RAD54B: variants seen among roughly 807,000 people sequenced by gnomAD.
RAD54B encodes DNA repair and recombination protein RAD54B.
Under a neutral mutation model 95.8 loss-of-function variants are expected in RAD54B, and 78 were observed. That is an observed-to-expected ratio of 0.81 (90% CI 0.68 to 0.98). RAD54B has a LOEUF of 0.98. RAD54B is among the 50% of genes least tolerant of loss of function. The pLI, the probability that RAD54B is intolerant of heterozygous loss-of-function variation, is 0.00. For synonymous variants in RAD54B, 328 were observed against 354.9 expected (o/e 0.92, Z 0.85); for missense variants, 957 against 1,056.6 (o/e 0.91, Z 1.31).
chr8:94,432,343 C>T (rs1812121505), intron 3 of RAD54B: 10 of 1,550,218 alleles, frequency 6.5e-6, no homozygotes, highest in Non-Finnish European at 8.7e-6. Context: ...GGATCATACC[C>T]TAATAGTGAC....
At chr8:94,436,515 T>C in intron 3 of RAD54B, 1 of 1,549,574 alleles carries the variant, frequency 6.5e-7, no homozygotes, top group Non-Finnish European at 8.7e-7. Context: ...GGTTCCTGTC[T>C]CTTACCAGGC....
chr8:94,389,175 G>A (rs989167457), intron 10 of RAD54B, among the ~76,000 whole-genome samples: 23 of 152,068 alleles, frequency 1.5e-4, no homozygotes, highest in African/African-American at 4.8e-4. Flanking sequence ...GACTGGTCTC[G>A]AACTCTTGGC....
chr8:94,414,479 T>C (rs1811605477), intron 3 of RAD54B, among the ~76,000 whole-genome samples: 3 of 152,210 alleles, frequency 2.0e-5, no homozygotes, highest in South Asian at 4.2e-4. Context: ...TAGATAGCTC[T>C]TATTATTTTG....
At chr8:94,377,545 GAAAAAA>G (rs71273330) in intron 14 of RAD54B, among the ~76,000 whole-genome samples, 1,958 of 70,496 alleles carry the variant, frequency 0.028, 173 homozygotes, top group African/African-American at 0.13. Flanking sequence ...CCCTGTCTTG[GAAAAAA>G]AAAAAAAAAA....
chr8:94,372,947 G>A (rs897811510), intron 14 of RAD54B: 4 of 152,536 alleles, frequency 2.6e-5, no homozygotes, highest in Non-Finnish European at 4.4e-5. Flanking sequence ...GAAGATAAGG[G>A]ACTGTGGAGC....
chr8:94,452,910 T>C (rs1309122039), intron 3 of RAD54B, among the ~76,000 whole-genome samples: 1 of 152,214 alleles, frequency 6.6e-6, no homozygotes, highest in Non-Finnish European at 1.5e-5. Flanking sequence ...ATCAAAAATA[T>C]GAATATATAC....
chr8:94,400,208 T>C, intron 7 of RAD54B, 30 bp downstream of exon 7: 6 of 1,567,396 alleles, frequency 3.8e-6, no homozygotes, highest in Non-Finnish European at 4.4e-6. Flanking sequence ...TTTTTTTAAA[T>C]GACTAAGGCT....
chr8:94,426,402 C>A (rs984864791), intron 3 of RAD54B, among the ~76,000 whole-genome samples: 1 of 151,866 alleles, frequency 6.6e-6, no homozygotes, highest in Non-Finnish European at 1.5e-5. Context: ...AAAACTTGCA[C>A]AAGAATATTC....
chr8:94,411,805 T>TA (rs1222943219), intron 3 of RAD54B, among the ~76,000 whole-genome samples: 2 of 152,208 alleles, frequency 1.3e-5, no homozygotes, highest in East Asian at 3.9e-4. Context: ...ACATTCTGTT[T>TA]TGATATATGT....
chr8:94,380,025 A>T, intron 12 of RAD54B, 120 bp downstream of exon 12: 1 of 1,144,598 alleles, frequency 8.7e-7, no homozygotes, highest in Non-Finnish European at 1.2e-6. Flanking sequence ...AGAGTGCCTC[A>T]CGCAAAATAA....
At chr8:94,374,746 G>A (rs1003328293) in intron 14 of RAD54B, among the ~76,000 whole-genome samples, 2 of 152,092 alleles carry the variant, frequency 1.3e-5, no homozygotes, top group African/African-American at 4.8e-5. Context: ...TAAAATATAT[G>A]AAGCAGAAAA....
chr8:94,433,623 A>ACCTTAAAAT (rs1206897657), intron 3 of RAD54B, among the ~76,000 whole-genome samples: 1 of 151,996 alleles, frequency 6.6e-6, no homozygotes, highest in East Asian at 1.9e-4. Context: ...AATGCAATAA[A>ACCTTAAAAT]CCTTAAAATT....
chr8:94,469,560 T>C (rs140282678), intron 1 of RAD54B, among the ~76,000 whole-genome samples: 71 of 152,356 alleles, frequency 4.7e-4, no homozygotes, highest in African/African-American at 1.6e-3. Context: ...TTGATAATAC[T>C]ATAAGCATGA....
intron 3 of RAD54B, 74 bp downstream of exon 3, chr8:94,458,194 C>G: frequency 7.4e-7 from 1 of 1,357,238 alleles, no homozygotes; most frequent in South Asian, 1.5e-5. Flanking sequence ...CATATTCATT[C>G]TTAAAACATC....
At chr8:94,439,782 G>C (rs1278763791) in intron 3 of RAD54B, among the ~76,000 whole-genome samples, 1 of 152,182 alleles carries the variant, frequency 6.6e-6, no homozygotes, top group Non-Finnish European at 1.5e-5. Flanking sequence ...GAAAGGAAAT[G>C]TATGTTCAGG....
At chr8:94,446,715 C>T (rs1405813073) in intron 3 of RAD54B, among the ~76,000 whole-genome samples, 1 of 152,108 alleles carries the variant, frequency 6.6e-6, no homozygotes, top group African/African-American at 2.4e-5. Flanking sequence ...GCTTAGGGTG[C>T]TACCTACAAG....
At chr8:94,469,684 A>C (rs1813120753) in intron 1 of RAD54B, among the ~76,000 whole-genome samples, 1 of 152,242 alleles carries the variant, frequency 6.6e-6, no homozygotes, top group South Asian at 2.1e-4. Context: ...AAACCACATG[A>C]AGGCAGCAAT....
At position 94,407,530 on chromosome 8, in the gene RAD54B, G is replaced by T. The variant is rs756874755; in HGVS notation, c.690C>A (p.Asn230Lys). ...TTGGTTTACAAACACTTTTGAAAGG[G>T]TTAGAGAAACATTTCCTGGCAACCT... is the stretch of plus-strand genomic sequence containing the variant. Reference protein sequence around the residue: ...SSQVARKCFSNPFKSVCKPSS... With the variant: ...SSQVARKCFSKPFKSVCKPSS... Residue 230 changes from asparagine to lysine, a missense_variant, in exon 5 of 15, where the codon AAC becomes AAA. Physicochemically the swap from Asn to Lys is moderately conservative, Grantham distance 94. Transcript: ENST00000336148. The T allele has an allele frequency of 6.2e-7, 1 of 1,613,934 alleles. No individual in the cohort carries two copies. The highest frequency in any genetic ancestry group is 8.5e-7 in the Non-Finnish European group (1 of 1,179,902).
At chr8:94,462,447 T>TATTC (rs1169661759) in intron 2 of RAD54B, among the ~76,000 whole-genome samples, 1 of 152,158 alleles carries the variant, frequency 6.6e-6, no homozygotes, top group Non-Finnish European at 1.5e-5. Context: ...TTTATTTATT[T>TATTC]ATTCATTTAT....
Sources: allele counts gnomAD v4.1 joint callset (sites outside exome capture counted in the v4.1 genomes callset), GRCh38; gene constraint gnomAD v4.1.1; transcripts MANE v1.5; gene names NCBI Gene and HGNC (gene_info 2026-07-23, HGNC 2026-07-21).